MSR1: variants seen among roughly 807,000 people sequenced by gnomAD.
MSR1 encodes macrophage scavenger receptor 1.
A neutral mutation model predicts 47.2 loss-of-function variants in MSR1; 53 were observed. The observed-to-expected ratio is 1.12, with a 90% CI of 0.90 to 1.41. MSR1 has a LOEUF of 1.41. Ranked by LOEUF, MSR1 falls within the 40% of genes most tolerant of loss-of-function variation. MSR1 has a pLI of 0.00. For synonymous variants in MSR1, 239 were observed against 185.6 expected, an observed-to-expected ratio of 1.29 and a Z score of -2.34; for missense variants, 786 against 546.9, an observed-to-expected ratio of 1.44 and a Z score of -4.36.
In MSR1 at chr8:16,175,181, C is replaced by G; in HGVS notation, c.217+6G>C. 3 of 1,611,054 alleles carry G rather than the reference C, an allele frequency of 1.9e-6. No individual in the cohort carries two copies. The highest frequency in any genetic ancestry group is 2.5e-6 in the Non-Finnish European group (3 of 1,177,396). On this transcript the variant is annotated splice_donor_region_variant and intron_variant, in intron 3 of 9. Coordinates refer to ENST00000262101, the MANE Select transcript of MSR1 (RefSeq NM_138715.3). ...TACTAAATTTCAAAACTCTGGGTTA[C>G]GTTACCTGCCACTATTCCAATGAGA...
At chr8:16,127,136 C>T (rs75152024) in intron 8 of MSR1, among the ~76,000 whole-genome samples, 4,269 of 152,098 alleles carry the variant, frequency 0.028, 141 homozygotes, top group East Asian at 0.13. Context: ...TTCAGAATCC[C>T]AAGGAGAACT....
chr8:16,190,723 C>CTTTTTTTTTTTTTTTT (rs772816603), intron 1 of MSR1, among the ~76,000 whole-genome samples: 2 of 145,354 alleles, frequency 1.4e-5, no homozygotes, highest in Admixed American at 7.0e-5. Flanking sequence ...TTTTTTCTTT[C>CTTTTTTTTTTTTTTTT]TTTCTTTTTG....
At chr8:16,120,880 T>TC in intron 8 of MSR1, 1 of 453,460 alleles carries the variant, frequency 2.2e-6, no homozygotes, top group South Asian at 2.5e-5. Flanking sequence ...CAGATTATAT[T>TC]CCAACGAGTT....
At chr8:16,140,838 C>G in intron 8 of MSR1, 1 of 1,562,418 alleles carries the variant, frequency 6.4e-7, no homozygotes, top group Non-Finnish European at 8.6e-7. Flanking sequence ...CACCAGGGAC[C>G]AGGAGAGAAG....
At chr8:16,180,820 T>G (rs993729620) in intron 1 of MSR1, among the ~76,000 whole-genome samples, 1 of 152,194 alleles carries the variant, frequency 6.6e-6, no homozygotes, top group African/African-American at 2.4e-5. Context: ...TCGTTGCATA[T>G]TCCTCCTTTC....
At chr8:16,178,865 G>C (rs1049219798) in intron 1 of MSR1, among the ~76,000 whole-genome samples, 2 of 151,406 alleles carry the variant, frequency 1.3e-5, no homozygotes, top group Non-Finnish European at 2.9e-5. Flanking sequence ...GTGATGATGA[G>C]CATTTAAAAA....
intron 3 of MSR1, among the ~76,000 whole-genome samples, chr8:16,171,505 C>T (rs967504422): frequency 6.6e-6 from 1 of 152,070 alleles, no homozygotes; most frequent in Non-Finnish European, 1.5e-5. Context: ...TATTTCTTAA[C>T]TGTATCTCAT....
chr8:16,166,936 TACACACACAC>T (rs5889636), intron 4 of MSR1, among the ~76,000 whole-genome samples: 32 of 146,972 alleles, frequency 2.2e-4, no homozygotes, highest in Admixed American at 1.8e-3. Context: ...TACACAGGAG[TACACACACAC>T]ACACACACAC....
Position 16,138,634 on chromosome 8 carries a change from G to A in MSR1, c.1033+4924C>T, listed in dbSNP as rs1800449959. On this transcript the variant is annotated intron_variant, in intron 8 of 9. Coordinates refer to ENST00000262101, the MANE Select transcript of MSR1 (RefSeq NM_138715.3). The stretch of plus-strand genomic sequence containing the variant: ...GCATCTCTGGGACCGAGGCCATCGT[G>A]TGGCTGATGTAGACCAAGGTCTGCT... 2.0e-5 allele frequency among the ~76,000 whole-genome samples: 3 copies of A among 152,244 alleles called. No homozygotes were observed. The South Asian group carries it at 6.2e-4, about 32-fold the overall frequency.
At chr8:16,167,307 G>A (rs930821541) in intron 4 of MSR1, among the ~76,000 whole-genome samples, 2 of 152,146 alleles carry the variant, frequency 1.3e-5, no homozygotes, top group Non-Finnish European at 2.9e-5. Flanking sequence ...ACCTTGGGAG[G>A]CCAAGACGGG....
At chr8:16,127,855 C>A (rs1293113092) in intron 8 of MSR1, among the ~76,000 whole-genome samples, 2 of 152,234 alleles carry the variant, frequency 1.3e-5, no homozygotes, top group Admixed American at 1.3e-4. Flanking sequence ...ACAGTTCTTA[C>A]AAATATCTCC....
chr8:16,123,604 G>C (rs12549292), intron 8 of MSR1, among the ~76,000 whole-genome samples: 4,848 of 144,410 alleles, frequency 0.034, 279 homozygotes, highest in African/African-American at 0.11. Flanking sequence ...GTGTGTGTGT[G>C]TCTGGATAGC....
intron 4 of MSR1, among the ~76,000 whole-genome samples, chr8:16,166,936 TACACAC>T (rs5889636): frequency 0.014 from 2,066 of 146,932 alleles, 34 homozygotes; most frequent in African/African-American, 0.043. Flanking sequence ...TACACAGGAG[TACACAC>T]ACACACACAC....
chr8:16,121,243 G>C (rs1211237385), intron 8 of MSR1: 8 of 383,112 alleles, frequency 2.1e-5, no homozygotes, highest in Non-Finnish European at 3.6e-5. Flanking sequence ...TAAAAAATCA[G>C]ACAATTTTGT....
At chr8:16,170,053 T>G (rs2117187027) in intron 3 of MSR1, among the ~76,000 whole-genome samples, 1 of 152,146 alleles carries the variant, frequency 6.6e-6, no homozygotes, top group South Asian at 2.1e-4. Context: ...AACATTAACT[T>G]TTTATGCAAA....
chr8:16,152,391 T>C (rs1451659780), intron 6 of MSR1, among the ~76,000 whole-genome samples: 2 of 152,102 alleles, frequency 1.3e-5, no homozygotes, highest in Non-Finnish European at 2.9e-5. Context: ...GGTAAAGATA[T>C]ACGTGGATAT....
chr8:16,160,628 G>T (rs1426237631), intron 5 of MSR1, among the ~76,000 whole-genome samples: 3 of 151,948 alleles, frequency 2.0e-5, no homozygotes, highest in Non-Finnish European at 4.4e-5. Flanking sequence ...AGAGAGAGAT[G>T]GGGGAGTTTA....
chr8:16,110,324 A>C, intron 9 of MSR1, 106 bp from the exon 10 acceptor site: 4 of 1,319,248 alleles, frequency 3.0e-6, no homozygotes, highest in Non-Finnish European at 4.3e-6. Flanking sequence ...AAAAGTGTTG[A>C]TTATTTTCTG....
chr8:16,188,770 T>G (rs1194003647), intron 1 of MSR1, among the ~76,000 whole-genome samples: 1 of 151,978 alleles, frequency 6.6e-6, no homozygotes, highest in Non-Finnish European at 1.5e-5. Context: ...TGTTTCTTTT[T>G]CTGTTCCTCT....
Sources: allele counts gnomAD v4.1 joint callset (sites outside exome capture counted in the v4.1 genomes callset), GRCh38; gene constraint gnomAD v4.1.1; transcripts MANE v1.5; gene names NCBI Gene and HGNC (gene_info 2026-07-23, HGNC 2026-07-21).